The following FBXW8 variants were observed in gnomAD, a reference collection of about 807,000 sequenced individuals.
FBXW8 encodes F-box/WD repeat-containing protein 8.
Under a neutral mutation model 65.3 loss-of-function variants are expected in FBXW8, and 57 were observed. The observed-to-expected ratio is 0.87, with a 90% CI of 0.71 to 1.09. The LOEUF (loss-of-function observed/expected upper bound fraction) is 1.09. Among genes scored for constraint, FBXW8 ranks in the 50% least tolerant of loss-of-function variants. The probability of loss-of-function intolerance (pLI) is 0.00; values close to 1 mark genes in which losing one functional copy is unlikely to be tolerated. For missense variants in FBXW8, 777 were observed against 814.8 expected, an observed-to-expected ratio of 0.95 and a Z score of 0.57; for synonymous variants, 308 against 330.2, an observed-to-expected ratio of 0.93 and a Z score of 0.73.
rs573221464 is a variant in FBXW8, at chr12:116,935,943, T to C, written c.423+7816T>C. ...TCTCATTTGGTTATTTATATAGAGC[T>C]GACTATGTATGTGCGAGGTACTGTT... On this transcript the variant is annotated intron_variant, in intron 2 of 10. Coordinates refer to ENST00000652555, the MANE Select transcript of FBXW8 (RefSeq NM_153348.3). Among the ~76,000 whole-genome samples, 4 of 152,340 alleles carry C rather than the reference T, an allele frequency of 2.6e-5. No homozygotes were observed. In the East Asian group the frequency reaches 7.7e-4, roughly 29 times the overall value.
At chr12:116,919,026 T>C (rs1711754245) in intron 1 of FBXW8, among the ~76,000 whole-genome samples, 1 of 152,092 alleles carries the variant, frequency 6.6e-6, no homozygotes, top group African/African-American at 2.4e-5. Context: ...CAGTAAGAGA[T>C]TAACAGCAAC....
intron 4 of FBXW8, chr12:116,950,789 C>T (rs559532061): frequency 1.3e-5 from 2 of 152,282 alleles, no homozygotes; most frequent in South Asian, 4.2e-4. Flanking sequence ...CGATTCTGTC[C>T]ATTAAGTTAT....
chr12:116,956,116 T>A (rs1043787607), intron 4 of FBXW8, among the ~76,000 whole-genome samples: 2 of 152,152 alleles, frequency 1.3e-5, no homozygotes, highest in Admixed American at 6.5e-5. Context: ...CTTTTGGTTT[T>A]AAAAAAAACA....
At chr12:116,933,320 C>G (rs1478958502) in intron 2 of FBXW8, among the ~76,000 whole-genome samples, 1 of 152,322 alleles carries the variant, frequency 6.6e-6, no homozygotes, top group East Asian at 1.9e-4. Context: ...TTTAAGAAAT[C>G]ATTTCTTTTA....
chr12:117,027,364 C>T, intron 9 of FBXW8, 30 bp from the exon 10 acceptor site: 1 of 1,583,460 alleles, frequency 6.3e-7, no homozygotes, highest in Non-Finnish European at 8.7e-7. Flanking sequence ...GTGGACGCCC[C>T]CTTACGAGCT....
intron 9 of FBXW8, among the ~76,000 whole-genome samples, chr12:117,025,795 G>C (rs925480452): frequency 1.3e-5 from 2 of 151,390 alleles, no homozygotes; most frequent in African/African-American, 4.9e-5. Flanking sequence ...GAAAACCCTG[G>C]ATCAGCCATC....
At chr12:116,938,035 TG>T (rs1235860476) in intron 2 of FBXW8, among the ~76,000 whole-genome samples, 1 of 152,118 alleles carries the variant, frequency 6.6e-6, no homozygotes, top group African/African-American at 2.4e-5. Flanking sequence ...CTTGTAAACT[TG>T]CTAGATTTCA....
chr12:116,988,604 A>C, intron 6 of FBXW8, 59 bp from the exon 7 acceptor site: 1 of 1,490,340 alleles, frequency 6.7e-7, no homozygotes, highest in South Asian at 1.1e-5. Context: ...GTGGAATTGC[A>C]TATTTTTGAT....
At chr12:116,964,593 A>G (rs1454331951) in intron 4 of FBXW8, 104 bp from the exon 5 acceptor site, 1 of 1,391,352 alleles carries the variant, frequency 7.2e-7, no homozygotes, top group African/African-American at 1.4e-5. Context: ...GCTCTACACC[A>G]CCCGATTCTT....
chr12:116,953,809 A>G (rs1883445535), intron 4 of FBXW8, among the ~76,000 whole-genome samples: 2 of 141,822 alleles, frequency 1.4e-5, no homozygotes, highest in Non-Finnish European at 1.5e-5. Flanking sequence ...AAAACAAACA[A>G]ACAAAAAACA....
At position 116,988,733 on chromosome 12, in the gene FBXW8, T is replaced by G; in HGVS notation, c.1103T>G (p.Met368Arg). Reference protein sequence around the residue: ...PVAVAAAGDLMYLLKAEDSAR... With the variant: ...PVAVAAAGDLRYLLKAEDSAR... ...GCAGTAGCCGCTGCTGGAGATCTGATGTACCTGCTCAAAGCCGAAGACTCC... is the reference window on the plus strand; with the variant it reads ...GCAGTAGCCGCTGCTGGAGATCTGAGGTACCTGCTCAAAGCCGAAGACTCC... The change falls in exon 7 of 11, where the codon ATG becomes AGG. Residue 368 changes from methionine to arginine, a missense_variant. Coordinates refer to ENST00000652555, the MANE Select transcript of FBXW8 (RefSeq NM_153348.3). The G allele has an allele frequency of 6.2e-7, 1 of 1,614,152 alleles. No homozygotes were observed. Among genetic ancestry groups the G allele is most frequent in the Non-Finnish European group, 8.5e-7 (1 of 1,180,026 alleles).
intron 4 of FBXW8, among the ~76,000 whole-genome samples, chr12:116,957,340 T>G (rs913620715): frequency 6.6e-6 from 1 of 152,128 alleles, no homozygotes; most frequent in Non-Finnish European, 1.5e-5. Flanking sequence ...CGAGACTGTC[T>G]CAAAAAAAAT....
chr12:116,965,513 A>T (rs574727945), intron 5 of FBXW8, among the ~76,000 whole-genome samples: 1 of 152,124 alleles, frequency 6.6e-6, no homozygotes, highest in Non-Finnish European at 1.5e-5. Context: ...CCCACCTGTC[A>T]TGCTCCTATC....
intron 9 of FBXW8, among the ~76,000 whole-genome samples, chr12:117,025,356 G>T (rs1954198337): frequency 6.6e-6 from 1 of 152,196 alleles, no homozygotes; most frequent in Non-Finnish European, 1.5e-5. Context: ...ATGATTCTGG[G>T]CCAGTGGCCT....
At chr12:116,932,812 G>T (rs540403563) in intron 2 of FBXW8, among the ~76,000 whole-genome samples, 1 of 152,204 alleles carries the variant, frequency 6.6e-6, no homozygotes, top group Non-Finnish European at 1.5e-5. Context: ...GATTACAGGC[G>T]TGAGCCACTG....
intron 7 of FBXW8, among the ~76,000 whole-genome samples, chr12:117,004,118 G>A (rs1953616439): frequency 1.3e-5 from 2 of 152,034 alleles, no homozygotes; most frequent in East Asian, 1.9e-4. Flanking sequence ...GTTGCATTCC[G>A]CCCAATTCCT....
At chr12:116,914,740 T>G (rs1312176963) in intron 1 of FBXW8, among the ~76,000 whole-genome samples, 2 of 151,924 alleles carry the variant, frequency 1.3e-5, no homozygotes, top group African/African-American at 4.8e-5. Context: ...CCAGGCATGG[T>G]GGTGGGTGCC....
chr12:117,002,238 G>T (rs1953542072), intron 7 of FBXW8, among the ~76,000 whole-genome samples: 1 of 152,228 alleles, frequency 6.6e-6, no homozygotes, highest in African/African-American at 2.4e-5. Flanking sequence ...TGGTGGTGGG[G>T]AGCGCACACA....
At chr12:116,992,621 T>C (rs1041121681) in intron 7 of FBXW8, among the ~76,000 whole-genome samples, 7 of 152,116 alleles carry the variant, frequency 4.6e-5, no homozygotes, top group Non-Finnish European at 8.8e-5. Context: ...ACCCATAGCT[T>C]AGCTCCCACT....
Sources: allele counts gnomAD v4.1 joint callset (sites outside exome capture counted in the v4.1 genomes callset), GRCh38; gene constraint gnomAD v4.1.1; transcripts MANE v1.5; gene names NCBI Gene and HGNC (gene_info 2026-07-23, HGNC 2026-07-21).